The following SLC14A2 variants were observed in gnomAD, a reference collection of about 807,000 sequenced individuals.
SLC14A2 encodes solute carrier family 14 member 2.
Under a neutral mutation model 104.6 loss-of-function variants are expected in SLC14A2, and 91 were observed. That is an observed-to-expected ratio of 0.87 (90% CI 0.73 to 1.04). SLC14A2 has a LOEUF of 1.04. Among genes scored for constraint, SLC14A2 ranks in the 50% least tolerant of loss-of-function variants. SLC14A2 has a pLI of 0.00. For missense variants in SLC14A2, 1,189 were observed against 1,156.0 expected (o/e 1.03, Z -0.41); for synonymous variants, 476 against 466.4 (o/e 1.02, Z -0.27).
chr18:45,246,744 C>T (rs2084371237), intron 1 of SLC14A2, among the ~76,000 whole-genome samples: 1 of 152,034 alleles, frequency 6.6e-6, no homozygotes, highest in African/African-American at 2.4e-5. Flanking sequence ...GGCACGGTGG[C>T]TCACGCCTAT....
intron 17 of SLC14A2, among the ~76,000 whole-genome samples, chr18:45,673,284 T>G (rs374810661): frequency 6.6e-6 from 1 of 152,178 alleles, no homozygotes. Context: ...ATTTAAAGTT[T>G]GGGGGAAGTT....
At chr18:45,201,245 T>C in the SLC14A2 span, among the ~76,000 whole-genome samples, 2 of 152,076 alleles carry the variant, frequency 1.3e-5, no homozygotes, top group Non-Finnish European at 2.9e-5. Flanking sequence ...CCCTTTCCCC[T>C]GAGCATGCTG....
At chr18:45,394,268 T>C (rs753811969) in intron 1 of SLC14A2, among the ~76,000 whole-genome samples, 1 of 152,206 alleles carries the variant, frequency 6.6e-6, no homozygotes, top group Non-Finnish European at 1.5e-5. Context: ...TTGTCATCAG[T>C]TCACTACTTT....
chr18:45,318,710 C>T (rs2085155516), intron 1 of SLC14A2, among the ~76,000 whole-genome samples: 2 of 151,808 alleles, frequency 1.3e-5, no homozygotes, highest in Middle Eastern at 3.2e-3. Flanking sequence ...TCTCTTGAAC[C>T]CAGGAGGTGG....
chr18:45,340,188 T>C (rs191405297), intron 1 of SLC14A2, among the ~76,000 whole-genome samples: 2 of 152,368 alleles, frequency 1.3e-5, no homozygotes, highest in Admixed American at 1.3e-4. Flanking sequence ...CTGAACATGT[T>C]CATCATCTCC....
intron 2 of SLC14A2, among the ~76,000 whole-genome samples, chr18:45,505,662 A>G (rs530335971): frequency 6.6e-6 from 1 of 151,342 alleles, no homozygotes; most frequent in African/African-American, 2.4e-5. Flanking sequence ...GGTCCCTTCC[A>G]GTAGTCCTCG....
At chr18:45,374,643 A>AGG (rs2085755560) in intron 1 of SLC14A2, among the ~76,000 whole-genome samples, 1 of 152,092 alleles carries the variant, frequency 6.6e-6, no homozygotes, top group African/African-American at 2.4e-5. Context: ...ATCACAAGCC[A>AGG]GTTACAGACT....
chr18:45,197,010 C>T, the SLC14A2 span, among the ~76,000 whole-genome samples: 8 of 152,116 alleles, frequency 5.3e-5, no homozygotes, highest in African/African-American at 1.7e-4. Flanking sequence ...GGGATCACTA[C>T]GAAGGATGTG....
chr18:45,394,459 C>A, intron 1 of SLC14A2, among the ~76,000 whole-genome samples: 1 of 147,598 alleles, frequency 6.8e-6, no homozygotes, highest in African/African-American at 2.6e-5. Flanking sequence ...ACTCGAAGTG[C>A]TTTGGTTACT....
intron 10 of SLC14A2, among the ~76,000 whole-genome samples, chr18:45,652,609 T>G (rs947582186): frequency 6.6e-6 from 1 of 152,140 alleles, no homozygotes; most frequent in Non-Finnish European, 1.5e-5. Context: ...CTCTGTAAAG[T>G]TGAAAACGTA....
intron 1 of SLC14A2, among the ~76,000 whole-genome samples, chr18:45,335,598 TGTG>T (rs544423611): frequency 2.0e-4 from 31 of 152,318 alleles, no homozygotes; most frequent in African/African-American, 7.2e-4. Context: ...AAGAACAACT[TGTG>T]GTGAGTATTC....
chr18:45,209,891 A>G (rs1444940108), upstream of SLC14A2, among the ~76,000 whole-genome samples: 2 of 152,216 alleles, frequency 1.3e-5, no homozygotes, highest in Non-Finnish European at 2.9e-5. Context: ...TCAGGAAATT[A>G]TCTACTGGAA....
intron 1 of SLC14A2, among the ~76,000 whole-genome samples, chr18:45,624,226 T>C (rs181733073): frequency 6.6e-6 from 1 of 152,222 alleles, no homozygotes; most frequent in Non-Finnish European, 1.5e-5. Context: ...AGGAAGAGTT[T>C]CTCTTAGACA....
chr18:45,663,752 G>A (rs752929520), intron 10 of SLC14A2, 33 bp from the exon 11 acceptor site: 25 of 1,606,178 alleles, frequency 1.6e-5, no homozygotes, highest in Non-Finnish European at 2.0e-5. Context: ...GACTAGGTGG[G>A]ACACTGACCT....
intron 1 of SLC14A2, among the ~76,000 whole-genome samples, chr18:45,342,395 G>C (rs1214150849): frequency 6.6e-6 from 1 of 152,128 alleles, no homozygotes; most frequent in Admixed American, 6.6e-5. Context: ...TCCTTTGAAA[G>C]AAGAGACAGC....
intron 1 of SLC14A2, among the ~76,000 whole-genome samples, chr18:45,249,280 GC>G (rs2084397825): frequency 6.7e-6 from 1 of 149,754 alleles, no homozygotes; most frequent in Admixed American, 6.6e-5. Context: ...TCATGCTCCA[GC>G]CTTTTTTTTT....
intron 1 of SLC14A2, among the ~76,000 whole-genome samples, chr18:45,407,281 C>T (rs2086166033): frequency 6.6e-6 from 1 of 152,204 alleles, no homozygotes; most frequent in Non-Finnish European, 1.5e-5. Context: ...GACAGTTTTT[C>T]TTAAGCCTCA....
At chr18:45,414,113 A>G (rs1202015631) in intron 1 of SLC14A2, among the ~76,000 whole-genome samples, 1 of 152,194 alleles carries the variant, frequency 6.6e-6, no homozygotes, top group African/African-American at 2.4e-5. Context: ...GACCTGCATA[A>G]TTTATTATTT....
upstream of SLC14A2, among the ~76,000 whole-genome samples, chr18:45,208,111 A>G (rs2083930937): frequency 6.6e-6 from 1 of 152,146 alleles, no homozygotes; most frequent in African/African-American, 2.4e-5. Context: ...CCTCTATATG[A>G]CAAAGCTGTA....
Sources: gnomAD v4.1 joint callset for allele counts (sites outside exome capture counted in the v4.1 genomes callset) on GRCh38, gnomAD v4.1.1 for gene constraint, MANE v1.5 for transcripts, NCBI Gene and HGNC (gene_info 2026-07-23, HGNC 2026-07-21) for gene names.